PKNOX1: variants seen among roughly 807,000 people sequenced by gnomAD.
PKNOX1 encodes the protein PBX/knotted 1 homeobox 1.
PKNOX1 carries 15 observed loss-of-function variants against 51.9 expected under a neutral mutation model. That is an observed-to-expected ratio of 0.29 (90% CI 0.19 to 0.45). The LOEUF is 0.45. Among genes scored for constraint, PKNOX1 ranks in the 20% least tolerant of loss-of-function variants. The probability of loss-of-function intolerance (pLI) is 1.00; values close to 1 mark genes in which losing one functional copy is unlikely to be tolerated. For missense variants in PKNOX1, 462 were observed against 547.5 expected (o/e 0.84, Z 1.56); for synonymous variants, 219 against 211.1 (o/e 1.04, Z -0.32).
rs1978475525 is a variant in PKNOX1, at chr21:42,995,764, T to C, written c.-56-8562T>C. ...TTCTCATACTTTCACAAACTAGTGT[T>C]AGCATCCATCGATGATTCCTGTCTG... On this transcript the variant is annotated intron_variant, in intron 1 of 10. Coordinates refer to ENST00000291547, the MANE Select transcript of PKNOX1 (RefSeq NM_004571.5). 2.6e-5 allele frequency among the ~76,000 whole-genome samples: 4 copies of C among 152,314 alleles called. No homozygotes were observed. The South Asian group carries it at 8.3e-4, about 32-fold the overall frequency.
intron 5 of PKNOX1, among the ~76,000 whole-genome samples, chr21:43,015,723 T>C (rs1979461386): frequency 6.6e-6 from 1 of 152,204 alleles, no homozygotes; most frequent in African/African-American, 2.4e-5. Flanking sequence ...GAGTTTAGAG[T>C]TGGTCTAGTA....
chr21:43,004,895 C>G (rs1028182880), intron 2 of PKNOX1, among the ~76,000 whole-genome samples: 9 of 152,288 alleles, frequency 5.9e-5, no homozygotes, highest in Admixed American at 5.9e-4. Flanking sequence ...ATCTTTGTAC[C>G]TTGCTCGTGC....
At chr21:42,997,692 C>G (rs1224584059) in intron 1 of PKNOX1, among the ~76,000 whole-genome samples, 2 of 152,134 alleles carry the variant, frequency 1.3e-5, no homozygotes, top group African/African-American at 4.8e-5. Flanking sequence ...CCAGCATGGA[C>G]AAACTTAACC....
rs1167070853 is a variant in PKNOX1 at position 43,021,461 on chromosome 21, GCAGCC to G, written c.849+32_849+36del. 1.3e-5 allele frequency: 21 copies of G among 1,573,604 alleles called. No homozygotes were observed. Among genetic ancestry groups the G allele is most frequent in the Non-Finnish European group, 1.6e-5 (18 of 1,157,440 alleles). On this transcript the variant is annotated intron_variant, in intron 8 of 10. Transcript: ENST00000291547. The surrounding 1 kb of genome is among the most constrained non-coding windows in gnomAD (Gnocchi z 4.6). ...GGACGGCTGGGCCAGCCCTTGCCTT[GCAGCC>G]CTCTGCGACGCTTGCTCTCTGGCTT...
rs543326181 is a variant in PKNOX1 at position 42,985,762 on chromosome 21, G to A, written c.-57+11098G>A. Among the ~76,000 whole-genome samples the A allele has an allele frequency of 2.8e-3, 422 of 152,040 alleles. 2 individuals carry two copies. The highest frequency in any genetic ancestry group is 9.3e-3 in the African/African-American group (385 of 41,526). Reference sequence around the variant, plus strand: ...ACCTGTAATCCTAGCACTTTGGGAGGCTGAGGCGGGTGGATGACTTGAGAC... The same window carrying A: ...ACCTGTAATCCTAGCACTTTGGGAGACTGAGGCGGGTGGATGACTTGAGAC... On this transcript the variant is annotated intron_variant, in intron 1 of 10. Coordinates refer to ENST00000291547, the MANE Select transcript of PKNOX1 (RefSeq NM_004571.5).
Position 43,018,474 on chromosome 21 carries a change from C to CACACA in PKNOX1, c.720+244_720+245insACACA, listed in dbSNP as rs1979604068. On this transcript the variant is annotated intron_variant, in intron 7 of 10. Coordinates refer to ENST00000291547, the MANE Select transcript of PKNOX1 (RefSeq NM_004571.5). Reference sequence around the variant, plus strand: ...GTCACTCATAACCACCCCCTGCCACCCACACACACACACACACACACACAC... The same window carrying CACACA: ...GTCACTCATAACCACCCCCTGCCACCACACACACACACACACACACACACACACAC... Among the ~76,000 whole-genome samples, 11 of 14,450 alleles carry CACACA rather than the reference C, an allele frequency of 7.6e-4. 5 individuals are homozygous for CACACA. Among genetic ancestry groups the CACACA allele is most frequent in the East Asian group, 2.4e-3 (2 of 840 alleles). 9.5% of individuals were successfully genotyped at this position (14,450 alleles called of 152,430 possible).
rs1980179244 is a variant in PKNOX1 at position 43,029,974 on chromosome 21, T to G, written c.1184T>G (p.Val395Gly). ...TCCTCGGACGGGGCCACCCTGGCGG[T>G]GCAGCAGGTCATGATGGCAGGGCAG... ...SLSSDGATLAVQQVMMAGQSE... is the reference protein window; with the variant it reads ...SLSSDGATLAGQQVMMAGQSE... Residue 395 changes from valine to glycine, a missense_variant, in exon 11 of 11, where the codon GTG (valine) becomes GGG (glycine). Transcript: ENST00000291547. 1.9e-6 allele frequency: 3 copies of G among 1,613,972 alleles called. No homozygotes were observed. The South Asian group carries it at 3.3e-5, about 18-fold the overall frequency.
At chr21:42,995,794 G>A (rs1042472986) in intron 1 of PKNOX1, among the ~76,000 whole-genome samples, 11 of 152,134 alleles carry the variant, frequency 7.2e-5, no homozygotes, top group Non-Finnish European at 1.6e-4. Context: ...TGTCTGAAAC[G>A]GCTTACTGTG....
intron 1 of PKNOX1, among the ~76,000 whole-genome samples, chr21:43,001,447 A>C (rs1978747407): frequency 6.6e-6 from 1 of 152,056 alleles, no homozygotes; most frequent in Admixed American, 6.6e-5. Flanking sequence ...CTTGGCACTC[A>C]GCTGTCCTTG....
At chr21:43,016,640 A>AT (rs1019171078) in intron 5 of PKNOX1, among the ~76,000 whole-genome samples, 15 of 152,360 alleles carry the variant, frequency 9.8e-5, no homozygotes, top group African/African-American at 3.6e-4. Flanking sequence ...GGCACGTGGA[A>AT]TATGGCAGTG....
At chr21:43,012,784 G>A (rs560116732) in intron 4 of PKNOX1, among the ~76,000 whole-genome samples, 2 of 152,284 alleles carry the variant, frequency 1.3e-5, no homozygotes, top group East Asian at 1.9e-4. Flanking sequence ...ATCAGTGGAA[G>A]GGCTAGGCTT....
chr21:43,006,959 G>A (rs531520236), intron 2 of PKNOX1, among the ~76,000 whole-genome samples: 2 of 152,300 alleles, frequency 1.3e-5, no homozygotes, highest in South Asian at 2.1e-4. Context: ...TTAAATGATA[G>A]TATCTTTTAA....
chr21:42,978,565 C>T (rs2146216608), intron 1 of PKNOX1, among the ~76,000 whole-genome samples: 2 of 150,016 alleles, frequency 1.3e-5, no homozygotes, highest in South Asian at 4.2e-4. Context: ...CTCACTGCAA[C>T]CTCTGCCTCC....
intron 1 of PKNOX1, among the ~76,000 whole-genome samples, chr21:42,975,379 G>A (rs117891262): frequency 0.091 from 13,884 of 152,038 alleles, 777 homozygotes; most frequent in Non-Finnish European, 0.12. Context: ...GCAGTGTTTG[G>A]GGCCGGGTGC....
intron 1 of PKNOX1, among the ~76,000 whole-genome samples, chr21:42,990,395 A>C (rs2059080670): frequency 6.6e-6 from 1 of 152,222 alleles, no homozygotes; most frequent in Admixed American, 6.5e-5. Flanking sequence ...AAGTGAAAAA[A>C]GTGAGGCTCA....
intron 1 of PKNOX1, among the ~76,000 whole-genome samples, chr21:42,978,827 C>A (rs1326010057): frequency 6.6e-6 from 1 of 152,042 alleles, no homozygotes; most frequent in African/African-American, 2.4e-5. Context: ...CCTATGTTAT[C>A]CAGGCAGGTC....
intron 1 of PKNOX1, among the ~76,000 whole-genome samples, chr21:42,991,976 C>T (rs1349618438): frequency 6.6e-6 from 1 of 152,198 alleles, no homozygotes; most frequent in Non-Finnish European, 1.5e-5. Flanking sequence ...AACCTTTGCT[C>T]TTGCTGGAGA....
intron 4 of PKNOX1, 151 bp downstream of exon 4, chr21:43,010,375 G>T: frequency 4.4e-6 from 2 of 457,372 alleles, no homozygotes; most frequent in African/African-American, 2.0e-5. Flanking sequence ...TGTGTAATGT[G>T]GATATCCCCA....
At chr21:42,992,403 T>A (rs1438890353) in intron 1 of PKNOX1, among the ~76,000 whole-genome samples, 1 of 152,174 alleles carries the variant, frequency 6.6e-6, no homozygotes, top group Admixed American at 6.6e-5. Context: ...CCTATCTGCG[T>A]CTTCTAGAGT....
Sources: gnomAD v4.1 joint callset for allele counts (sites outside exome capture counted in the v4.1 genomes callset) on GRCh38, gnomAD v4.1.1 for gene constraint, Gnocchi (gnomAD v3.1) non-coding constraint, MANE v1.5 for transcripts, NCBI Gene and HGNC (gene_info 2026-07-23, HGNC 2026-07-21) for gene names.